The following BHMT variants were observed in gnomAD, a reference collection of about 807,000 sequenced individuals.
BHMT encodes the protein betaine--homocysteine S-methyltransferase 1.
Under a neutral mutation model 49.5 loss-of-function variants are expected in BHMT, and 38 were observed. That is an observed-to-expected ratio of 0.77 (90% CI 0.59 to 1.01). The LOEUF is 1.01. Ranked by LOEUF, BHMT falls within the 50% of genes least tolerant of loss-of-function variation. The probability of loss-of-function intolerance (pLI) is 0.00; values close to 1 mark genes in which losing one functional copy is unlikely to be tolerated. For synonymous variants in BHMT, 166 were observed against 176.3 expected, an observed-to-expected ratio of 0.94 and a Z score of 0.46; for missense variants, 426 against 495.7, an observed-to-expected ratio of 0.86 and a Z score of 1.34.
chr5:79,121,329 C>T lies in BHMT; in HGVS notation c.589C>T (p.Pro197Ser), dbSNP rs60947960. 1.6e-3 allele frequency: 2,653 copies of T among 1,613,970 alleles called. 29 individuals carry two copies. The African/African-American group carries it at 0.029, about 18-fold the overall frequency. ...IGPEGDLHGV[P>S]PGECAVRLVK... ...CCCAGAAGGAGATTTGCATGGCGTG[C>T]CCCCCGGCGAGTGTGCAGTGCGCCT... is the stretch of plus-strand genomic sequence containing the variant. Residue 197 changes from proline (P) to serine (S), a missense_variant, in exon 5 of 8, where the codon CCC (proline) becomes TCC (serine). Transcript: ENST00000274353.
chr5:79,123,852 C>CA (rs1279822263), intron 5 of BHMT, among the ~76,000 whole-genome samples: 5 of 151,994 alleles, frequency 3.3e-5, no homozygotes, highest in Non-Finnish European at 7.4e-5. Context: ...GCACCTGGCC[C>CA]AAAAAAGTCC....
At position 79,123,708 on chromosome 5, in the gene BHMT, C is replaced by T. The variant is rs564558394; in HGVS notation, c.626-2338C>T. The stretch of plus-strand genomic sequence containing the variant: ...CTGGGATTACAGATGTGTACTACCA[C>T]GTCCAGCTAATTTTTGTACTTTTAG... On this transcript the variant is annotated intron_variant, in intron 5 of 7. Transcript: ENST00000274353. 4.6e-5 allele frequency among the ~76,000 whole-genome samples: 7 copies of T among 152,228 alleles called. No homozygotes were observed. The South Asian group carries it at 1.5e-3, about 32-fold the overall frequency.
At chr5:79,113,710 T>C (rs649514) in intron 1 of BHMT, among the ~76,000 whole-genome samples, 90,555 of 151,990 alleles carry the variant, frequency 0.6, 27,302 homozygotes, top group East Asian at 0.69. Context: ...TTTCACAAAA[T>C]GGTATATTTT....
chr5:79,119,232 T>G (rs1756428716), intron 2 of BHMT, 27 bp from the exon 3 acceptor site: 1 of 1,532,832 alleles, frequency 6.5e-7, no homozygotes, highest in African/African-American at 1.4e-5. Context: ...AAACAGAAAT[T>G]ATACCTTTCC....
At chr5:79,126,298 T>G in intron 6 of BHMT, 70 bp downstream of exon 6, 6 of 1,516,492 alleles carry the variant, frequency 4.0e-6, no homozygotes, top group Non-Finnish European at 5.4e-6. Context: ...AGTAAATCTA[T>G]ACCCAGAGAT....
rs774934748 is a variant in BHMT at position 79,127,808 on chromosome 5, G to A, written c.862G>A (p.Ala288Thr). The A allele has an allele frequency of 1.9e-6, 3 of 1,614,166 alleles. No individual in the cohort carries two copies. Among genetic ancestry groups the A allele is most frequent in the Non-Finnish European group, 2.5e-6 (3 of 1,180,008 alleles). ...RWDIQKYARE[A>T]YNLGVRYIGG... ...GGATATTCAAAAATACGCCAGAGAGGCCTACAACCTGGGGGTCAGGTACAT... is the reference window on the plus strand; with the variant it reads ...GGATATTCAAAAATACGCCAGAGAGACCTACAACCTGGGGGTCAGGTACAT... Residue 288 changes from alanine to threonine, a missense_variant, in exon 7 of 8, where the codon GCC becomes ACC. Ala to Thr is a moderately conservative substitution (Grantham distance 58). Around this residue, in one of 3 missense-constraint regions of BHMT, gnomAD observed 321 missense variants for 355.9 expected, o/e 0.90. Coordinates refer to ENST00000274353, the MANE Select transcript of BHMT (RefSeq NM_001713.3).
Position 79,121,198 on chromosome 5 carries a change from C to G in BHMT, c.478-20C>G. ...TGGGAGAAACGAGATTAAAAGTACT[C>G]TAACCTTAACTGATTCCAGTATTTT... is the stretch of plus-strand genomic sequence containing the variant. On this transcript the variant is annotated intron_variant, in intron 4 of 7. Transcript: ENST00000274353. 1 of 1,609,882 alleles carries G rather than the reference C, an allele frequency of 6.2e-7. No homozygotes were observed. The highest frequency in any genetic ancestry group is 1.3e-5 in the African/African-American group (1 of 74,816).
intron 6 of BHMT, 128 bp downstream of exon 6, chr5:79,126,356 C>T (rs1472667789): frequency 4.4e-6 from 5 of 1,137,416 alleles, no homozygotes; most frequent in East Asian, 5.3e-5. Flanking sequence ...ATGTCTTGTC[C>T]CTGGTTTCTG....
chr5:79,125,486 A>G (rs963182914), intron 5 of BHMT, among the ~76,000 whole-genome samples: 9 of 146,552 alleles, frequency 6.1e-5, no homozygotes, highest in Admixed American at 4.8e-4. Context: ...AAAGAGATGG[A>G]CAGCCAAATG....
Position 79,120,361 on chromosome 5 carries a change from C to T in BHMT, c.297C>T (p.Val99=). The change falls in exon 4 of 8, where the codon GTC becomes GTT. Residue 99 remains valine, a synonymous_variant. Transcript: ENST00000274353. ...CTCACCCATTTTAGGGGCAGGAAGTCAATGAAGCTGCTTGCGACATCGCCC... is the reference window on the plus strand; with the variant it reads ...CTCACCCATTTTAGGGGCAGGAAGTTAATGAAGCTGCTTGCGACATCGCCC... ...YVLEKISGQE[V]NEAACDIARQ... is the part of the protein sequence containing the mutation. 1 of 1,610,274 alleles carries T rather than the reference C, an allele frequency of 6.2e-7. No homozygotes were observed. Among genetic ancestry groups the T allele is most frequent in the East Asian group, 2.2e-5 (1 of 44,808 alleles).
At chr5:79,121,818 A>AC in intron 5 of BHMT, among the ~76,000 whole-genome samples, 1 of 13,468 alleles carries the variant, frequency 7.4e-5, no homozygotes, top group Non-Finnish European at 1.5e-4. Flanking sequence ...CCGTCTCAAT[A>AC]AAAAAAAAAA....
chr5:79,129,380 T>G (rs985112028), intron 7 of BHMT, among the ~76,000 whole-genome samples: 1 of 152,172 alleles, frequency 6.6e-6, no homozygotes, highest in Non-Finnish European at 1.5e-5. Context: ...GGAATTACAT[T>G]GCTAGAGGAA....
chr5:79,115,293 C>T (rs1254677509), intron 1 of BHMT, among the ~76,000 whole-genome samples: 1 of 148,404 alleles, frequency 6.7e-6, no homozygotes, highest in Non-Finnish European at 1.5e-5. Context: ...TAGTGAGATG[C>T]TGTCTCTAAG....
intron 5 of BHMT, among the ~76,000 whole-genome samples, chr5:79,121,607 G>A (rs931036713): frequency 6.6e-6 from 1 of 152,056 alleles, no homozygotes; most frequent in Non-Finnish European, 1.5e-5. Flanking sequence ...GAGGTCAGGA[G>A]ATCGAGACCA....
chr5:79,119,719 A>C (rs1756439164), intron 3 of BHMT: 1 of 200,564 alleles, frequency 5.0e-6, no homozygotes, highest in Non-Finnish European at 1.0e-5. Flanking sequence ...TAGGCATAAT[A>C]AATCAGTAAA....
intron 6 of BHMT, 41 bp downstream of exon 6, chr5:79,126,269 T>C (rs763661743): frequency 6.3e-7 from 1 of 1,597,412 alleles, no homozygotes; most frequent in Non-Finnish European, 8.6e-7. Flanking sequence ...TATCTTCATT[T>C]GATATGCATA....
chr5:79,125,459 G>GAAAAAAA, intron 5 of BHMT, among the ~76,000 whole-genome samples: 1 of 104,542 alleles, frequency 9.6e-6, no homozygotes, highest in African/African-American at 3.9e-5. Flanking sequence ...CTGTGTCTCA[G>GAAAAAAA]AAAAAAAAAA....
At chr5:79,113,803 A>G (rs1441871040) in intron 1 of BHMT, among the ~76,000 whole-genome samples, 1 of 152,166 alleles carries the variant, frequency 6.6e-6, no homozygotes, top group African/African-American at 2.4e-5. Flanking sequence ...TTAAAATGCA[A>G]TAGAATGTAA....
intron 5 of BHMT, among the ~76,000 whole-genome samples, chr5:79,122,920 G>C (rs930650848): frequency 6.6e-6 from 1 of 152,152 alleles, no homozygotes; most frequent in Non-Finnish European, 1.5e-5. Flanking sequence ...AGAAAAGGAA[G>C]TTTAAATGGG....
Sources: allele counts gnomAD v4.1 joint callset (sites outside exome capture counted in the v4.1 genomes callset), GRCh38; gene constraint gnomAD v4.1.1; regional missense constraint gnomAD v4.1.1; transcripts MANE v1.5; gene names NCBI Gene and HGNC (gene_info 2026-07-23, HGNC 2026-07-21).